The following RTL9 variants were observed in gnomAD, a reference collection of about 807,000 sequenced individuals.
RTL9 encodes retrotransposon Gag like 9.
In RTL9, 19 loss-of-function variants were observed where a neutral mutation model predicts 44.7. The observed-to-expected ratio is 0.42, with a 90% CI of 0.30 to 0.62. The LOEUF (loss-of-function observed/expected upper bound fraction) is 0.62. RTL9 is among the 20% of genes least tolerant of loss of function. The pLI, the probability that RTL9 is intolerant of heterozygous loss-of-function variation, is 0.16. For missense variants in RTL9, 1,105 were observed against 1,080.6 expected, an observed-to-expected ratio of 1.02 and a Z score of -0.32; for synonymous variants, 407 against 398.9, an observed-to-expected ratio of 1.02 and a Z score of -0.24.
chrX:110,430,923 A>G (rs1381465587), intron 1 of RTL9, among the ~76,000 whole-genome samples: 1 of 112,080 alleles, frequency 8.9e-6, no homozygotes, highest in Non-Finnish European at 1.9e-5. Context: ...TGGTCATAAC[A>G]TGGCTGGTTA....
At chrX:110,382,204 A>G (rs1288731179) in intron 1 of RTL9, among the ~76,000 whole-genome samples, 3 of 111,572 alleles carry the variant, frequency 2.7e-5, no homozygotes, top group Non-Finnish European at 3.8e-5. Context: ...GGAAAAAAAC[A>G]GAGGAAACAA....
At position 110,452,944 on chromosome X, in the gene RTL9, A is replaced by G. The variant is rs780341713; in HGVS notation, c.2327A>G (p.Asp776Gly). Residue 776 changes from aspartate to glycine, a missense_variant, in exon 1 of 2, where the codon GAC (aspartate) becomes GGC (glycine). Coordinates refer to ENST00000540313, the Ensembl canonical transcript of RTL9. ...TCCACACCACTAATGAGAACCTCAG[A>G]CCCTGGAGAGAGGCCCTCACTGCTC... 1.1e-5 allele frequency: 13 copies of G among 1,210,467 alleles called. 1 individual carries two copies. In the East Asian group the frequency reaches 3.6e-4, roughly 33 times the overall value.
chrX:110,430,363 G>C (rs2068787670), intron 1 of RTL9, among the ~76,000 whole-genome samples: 1 of 112,496 alleles, frequency 8.9e-6, no homozygotes, highest in Non-Finnish European at 1.9e-5. Flanking sequence ...TAAGTGCTTT[G>C]TGTGTATTAA....
intron 1 of RTL9, among the ~76,000 whole-genome samples, chrX:110,441,438 G>A (rs1417821165): frequency 1.8e-5 from 2 of 111,947 alleles, no homozygotes; most frequent in Non-Finnish European, 3.8e-5. Flanking sequence ...TTTCAGTTGT[G>A]GGAATTTTGG....
At chrX:110,372,493 T>G (rs1171717136) in intron 1 of RTL9, among the ~76,000 whole-genome samples, 1 of 111,531 alleles carries the variant, frequency 9.0e-6, no homozygotes, top group African/African-American at 3.3e-5. Flanking sequence ...ATTTCTCTGC[T>G]CCTTGCTTTT....
At chrX:110,361,128 C>A (rs1043422856) in intron 1 of RTL9, among the ~76,000 whole-genome samples, 2 of 110,911 alleles carry the variant, frequency 1.8e-5, no homozygotes, top group African/African-American at 6.6e-5. Context: ...ACAAAACCTG[C>A]TGCACTCACA....
chrX:110,370,663 G>A (rs2068332098), intron 1 of RTL9, among the ~76,000 whole-genome samples: 2 of 112,273 alleles, frequency 1.8e-5, no homozygotes, highest in South Asian at 7.4e-4. Context: ...GCTGTAATGT[G>A]GGTTTCTTCC....
At chrX:110,424,713 T>C (rs1314141168) in intron 1 of RTL9, among the ~76,000 whole-genome samples, 2 of 111,896 alleles carry the variant, frequency 1.8e-5, no homozygotes, top group Non-Finnish European at 3.8e-5. Context: ...ATAAGTAGTA[T>C]ATCAGAGTAT....
chrX:110,408,662 T>A (rs182709682), intron 1 of RTL9, among the ~76,000 whole-genome samples: 2 of 112,265 alleles, frequency 1.8e-5, no homozygotes, highest in East Asian at 5.6e-4. Context: ...TTTCAGGAAA[T>A]CATGTCAACA....
intron 1 of RTL9, chrX:110,426,689 C>A (rs1055080894): frequency 8.9e-6 from 1 of 111,887 alleles, no homozygotes; most frequent in Non-Finnish European, 1.9e-5. Flanking sequence ...AGGCTTCATA[C>A]CTGGAGCTCG....
At chrX:110,399,924 T>C (rs892299077) in intron 1 of RTL9, among the ~76,000 whole-genome samples, 7 of 112,073 alleles carry the variant, frequency 6.2e-5, no homozygotes, top group African/African-American at 2.3e-4. Context: ...GGTGAGTTAA[T>C]TAGAATTATG....
rs748615992 is a variant in RTL9, at chrX:110,436,554, C to T, written c.-167-8599C>T. On this transcript the variant is annotated intron_variant, in intron 1 of 3. Transcript: ENST00000465301. ...CCATAAGCCTAACTAGGGATGCTTC[C>T]CACTCCTCTTTCTTGCTGAGCAGAG... Among the ~76,000 whole-genome samples the T allele has an allele frequency of 2.7e-5, 3 of 111,870 alleles. No homozygotes were observed. In the Admixed American group the frequency reaches 2.8e-4, roughly 11 times the overall value.
chrX:110,427,103 C>G, intron 1 of RTL9, among the ~76,000 whole-genome samples: 1 of 111,982 alleles, frequency 8.9e-6, no homozygotes, highest in African/African-American at 3.3e-5. Context: ...CCTCTTTTCT[C>G]CATTCCTACT....
chrX:110,401,187 C>T (rs2068562230), intron 1 of RTL9, among the ~76,000 whole-genome samples: 1 of 112,191 alleles, frequency 8.9e-6, no homozygotes, highest in African/African-American at 3.2e-5. Flanking sequence ...TGAACGTAGG[C>T]TCCAATACCT....
intron 1 of RTL9, among the ~76,000 whole-genome samples, chrX:110,397,011 C>A (rs776481210): frequency 8.9e-6 from 1 of 111,838 alleles, no homozygotes; most frequent in Non-Finnish European, 1.9e-5. Flanking sequence ...GAGCTGACTC[C>A]GGAGCCCACA....
intron 1 of RTL9, among the ~76,000 whole-genome samples, chrX:110,370,226 A>G (rs755109183): frequency 9.0e-6 from 1 of 111,517 alleles, no homozygotes; most frequent in Non-Finnish European, 1.9e-5. Flanking sequence ...TTATTTTTTA[A>G]AGACAGAGTA....
chrX:110,450,574 T>C (rs751837373), exon 1 of RTL9: 7 of 1,107,124 alleles, frequency 6.3e-6, no homozygotes, highest in African/African-American at 1.8e-5. Flanking sequence ...CAGATTTTCT[T>C]GCCTCCTGGG....
At chrX:110,414,259 C>G (rs763269983), upstream of RTL9, among the ~76,000 whole-genome samples, 10 of 112,462 alleles carry the variant, frequency 8.9e-5, no homozygotes, top group Admixed American at 2.8e-4. Flanking sequence ...GCCCTCAACT[C>G]AGCTAAACAA....
rs1294098842 is a variant in RTL9 at position 110,369,306 on chromosome X, T to C, written c.-168+10390T>C. Among the ~76,000 whole-genome samples the C allele has an allele frequency of 2.7e-5, 3 of 111,315 alleles. No homozygotes were observed. In the Admixed American group the frequency reaches 2.9e-4, roughly 11 times the overall value. ...GAGATGGCACCACTGCACTACAGCCTGGGCGACAGAGCAAGATTCTGTCTC... is the reference window on the plus strand; with the variant it reads ...GAGATGGCACCACTGCACTACAGCCCGGGCGACAGAGCAAGATTCTGTCTC... On this transcript the variant is annotated intron_variant, in intron 1 of 2. Coordinates refer to the RTL9 transcript ENST00000520821.
Sources: gnomAD v4.1 joint callset for allele counts (sites outside exome capture counted in the v4.1 genomes callset) on GRCh38, gnomAD v4.1.1 for gene constraint, MANE v1.5 for transcripts, NCBI Gene and HGNC (gene_info 2026-07-23, HGNC 2026-07-21) for gene names.